The following MSN variants were observed in gnomAD, a reference collection of about 807,000 sequenced individuals.
The protein encoded by MSN is epididymis luminal protein 70.
Under a neutral mutation model 48.0 loss-of-function variants are expected in MSN, and 2 were observed. The observed-to-expected ratio is 0.04, with a 90% CI of 0.02 to 0.13. The LOEUF (loss-of-function observed/expected upper bound fraction) is 0.13. Among genes scored for constraint, MSN ranks in the 10% least tolerant of loss-of-function variants. The probability of loss-of-function intolerance (pLI) is 1.00; values close to 1 mark genes in which losing one functional copy is unlikely to be tolerated. For synonymous variants in MSN, 146 were observed against 166.9 expected (o/e 0.87, Z 0.97); for missense variants, 267 against 470.1 (o/e 0.57, Z 3.99).
At chrX:65,729,914 T>C (rs933256694) in intron 4 of MSN, among the ~76,000 whole-genome samples, 3 of 112,728 alleles carry the variant, frequency 2.7e-5, no homozygotes, top group Non-Finnish European at 5.6e-5. Flanking sequence ...AAAAAGCCTT[T>C]TTGTTTTCCC....
intron 1 of MSN, among the ~76,000 whole-genome samples, chrX:65,647,337 A>C (rs1167815359): frequency 9.3e-6 from 1 of 107,747 alleles, no homozygotes; most frequent in Non-Finnish European, 1.9e-5. Context: ...TCAGCCTCCC[A>C]AGCAGCTGGG....
intron 1 of MSN, among the ~76,000 whole-genome samples, chrX:65,668,266 G>T (rs1206203525): frequency 8.9e-6 from 1 of 112,607 alleles, no homozygotes; most frequent in East Asian, 2.8e-4. Context: ...TCCAAGAGGG[G>T]ACATGGGAAC....
chrX:65,631,324 C>T (rs1240191671), intron 1 of MSN, among the ~76,000 whole-genome samples: 1 of 110,662 alleles, frequency 9.0e-6, no homozygotes, highest in Non-Finnish European at 1.9e-5. Context: ...GAACTCCTGA[C>T]CTCAAATGAT....
rs775158537 is a variant in MSN, at chrX:65,697,141, T to A, written c.13-19677T>A. Among the ~76,000 whole-genome samples the A allele has an allele frequency of 1.5e-4, 16 of 110,055 alleles. No homozygotes were observed. In the South Asian group the frequency reaches 6.4e-3, roughly 44 times the overall value. ...CTTAAGGCCTACGTGATAAACCTTG[T>A]TCCCTAATGGGGATGAGAATTGGAT... On this transcript the variant is annotated intron_variant, in intron 1 of 12. Transcript: ENST00000360270.
chrX:65,684,293 T>C (rs965103257), intron 1 of MSN, among the ~76,000 whole-genome samples: 1 of 111,693 alleles, frequency 9.0e-6, no homozygotes, highest in African/African-American at 3.3e-5. Flanking sequence ...AATGCACAGA[T>C]AGTACAAATC....
intron 1 of MSN, among the ~76,000 whole-genome samples, chrX:65,609,253 T>C (rs1005903320): frequency 5.6e-5 from 6 of 107,487 alleles, no homozygotes; most frequent in Non-Finnish European, 1.2e-4. Context: ...CCCAAGGAAC[T>C]GAGTCAAGGA....
In MSN at chrX:65,607,639, C is replaced by T. The variant is rs1472077336; in HGVS notation, c.-22+19027C>T. 2.7e-5 allele frequency among the ~76,000 whole-genome samples: 3 copies of T among 111,410 alleles called. No individual in the cohort carries two copies. The Admixed American group carries it at 2.9e-4, about 11-fold the overall frequency. Reference sequence around the variant, plus strand: ...GGCTACAGAACAAGTACCCAATTGTCAATCTTAAGCCTGGGTTCTTGGGTA... The same window carrying T: ...GGCTACAGAACAAGTACCCAATTGTTAATCTTAAGCCTGGGTTCTTGGGTA... On this transcript the variant is annotated intron_variant, in intron 1 of 3. Coordinates refer to the MSN transcript ENST00000609672.
chrX:65,735,579 T>A (rs1393616068), intron 8 of MSN, 149 bp downstream of exon 8: 10 of 739,924 alleles, frequency 1.4e-5, no homozygotes, highest in Non-Finnish European at 5.6e-6. Flanking sequence ...TCAGAAAAAA[T>A]CTACCAAGTT....
chrX:65,735,115 C>T (rs1474108154), intron 7 of MSN, 152 bp from the exon 8 acceptor site: 2 of 648,772 alleles, frequency 3.1e-6, no homozygotes, highest in African/African-American at 2.2e-5. Context: ...GGGCAAGTCA[C>T]TTTACCACTC....
chrX:65,709,729 C>T (rs1368358506), intron 1 of MSN, among the ~76,000 whole-genome samples: 1 of 112,917 alleles, frequency 8.9e-6, no homozygotes, highest in African/African-American at 3.2e-5. Flanking sequence ...GCATGACCTA[C>T]AATTGACATG....
At chrX:65,589,934 C>T (rs1173719325) in intron 1 of MSN, among the ~76,000 whole-genome samples, 1 of 108,274 alleles carries the variant, frequency 9.2e-6, no homozygotes, top group African/African-American at 3.4e-5. Flanking sequence ...GGCACAATCT[C>T]GACTCAATGC....
chrX:65,594,851 T>A (rs1428398775), intron 1 of MSN, among the ~76,000 whole-genome samples: 1 of 111,942 alleles, frequency 8.9e-6, no homozygotes, highest in Non-Finnish European at 1.9e-5. Context: ...CAGTGTTTCA[T>A]GGCCTGCCTA....
At chrX:65,663,258 C>CA (rs59074461), upstream of MSN, among the ~76,000 whole-genome samples, 1,107 of 70,781 alleles carry the variant, frequency 0.016, 7 homozygotes, top group Non-Finnish European at 0.017. Flanking sequence ...AACTTTGTCT[C>CA]AAAAAAAAAA....
At chrX:65,678,891 C>T (rs765998302) in intron 1 of MSN, among the ~76,000 whole-genome samples, 4 of 111,943 alleles carry the variant, frequency 3.6e-5, no homozygotes, top group Non-Finnish European at 5.6e-5. Context: ...TATTTGTGCC[C>T]AGTCTTTAAG....
At chrX:65,665,077 G>C (rs2070857012), upstream of MSN, among the ~76,000 whole-genome samples, 1 of 110,849 alleles carries the variant, frequency 9.0e-6, no homozygotes, top group African/African-American at 3.3e-5. Context: ...AGTGTCTTCA[G>C]CTACTTGACA....
upstream of MSN, among the ~76,000 whole-genome samples, chrX:65,662,878 A>G (rs189038443): frequency 8.9e-6 from 1 of 112,542 alleles, no homozygotes; most frequent in East Asian, 2.8e-4. Context: ...ACATTTGTAA[A>G]CTATTCAACT....
At chrX:65,704,292 C>T (rs192836936) in intron 1 of MSN, among the ~76,000 whole-genome samples, 4 of 112,006 alleles carry the variant, frequency 3.6e-5, no homozygotes, top group African/African-American at 1.3e-4. Context: ...ATTTCAGCAG[C>T]TTTGAAGTTT....
intron 1 of MSN, 91 bp downstream of exon 1, chrX:65,667,944 G>C (rs1302207104): frequency 3.0e-6 from 3 of 1,004,837 alleles, no homozygotes; most frequent in Admixed American, 2.5e-5. Context: ...GCCAGCCACC[G>C]GCCCGCCTGG....
chrX:65,619,698 T>C, intron 1 of MSN, among the ~76,000 whole-genome samples: 1 of 108,619 alleles, frequency 9.2e-6, no homozygotes, highest in East Asian at 2.8e-4. Context: ...GAAGCCTTCT[T>C]CTCTCAGCTC....
Sources: allele counts gnomAD v4.1 joint callset (sites outside exome capture counted in the v4.1 genomes callset), GRCh38; gene constraint gnomAD v4.1.1; transcripts MANE v1.5; gene names NCBI Gene and HGNC (gene_info 2026-07-23, HGNC 2026-07-21).